The following SPIDR variants were observed in gnomAD, a reference collection of about 807,000 sequenced individuals.
SPIDR encodes scaffold protein involved in DNA repair, also known as DNA repair-scaffolding protein.
Under a neutral mutation model 104.6 loss-of-function variants are expected in SPIDR, and 93 were observed. The ratio of observed to expected loss-of-function variants is 0.89; its 90% CI spans 0.75 to 1.06. SPIDR has a LOEUF of 1.06. Among genes scored for constraint, SPIDR ranks in the 50% least tolerant of loss-of-function variants. The probability of loss-of-function intolerance (pLI) is 0.00; values close to 1 mark genes in which losing one functional copy is unlikely to be tolerated. For missense variants in SPIDR, 1,154 were observed against 1,111.2 expected (o/e 1.04, Z -0.55); for synonymous variants, 431 against 416.9 (o/e 1.03, Z -0.41).
chr8:47,701,674 GT>G, intron 12 of SPIDR, 46 bp from the exon 13 acceptor site: 1 of 1,574,142 alleles, frequency 6.4e-7, no homozygotes, highest in Middle Eastern at 1.7e-4. Context: ...CTCTTTTTGA[GT>G]CTTTTAACAA....
intron 8 of SPIDR, among the ~76,000 whole-genome samples, chr8:47,443,634 G>A (rs1184947035): frequency 2.1e-5 from 3 of 145,874 alleles, no homozygotes; most frequent in Non-Finnish European, 3.0e-5. Flanking sequence ...ATTTTTTAAA[G>A]GACTAGTCTT....
intron 10 of SPIDR, among the ~76,000 whole-genome samples, chr8:47,612,174 C>T (rs2063692652): frequency 1.3e-5 from 2 of 152,154 alleles, no homozygotes; most frequent in African/African-American, 4.8e-5. Context: ...TTCTTGATGC[C>T]TCCCAATGAA....
chr8:47,487,104 C>G (rs996352550), intron 8 of SPIDR, among the ~76,000 whole-genome samples: 1 of 152,022 alleles, frequency 6.6e-6, no homozygotes, highest in East Asian at 1.9e-4. Context: ...TTCAGGAGAC[C>G]CATCTGATGT....
intron 8 of SPIDR, among the ~76,000 whole-genome samples, chr8:47,506,781 C>A (rs1448657268): frequency 6.6e-6 from 1 of 152,142 alleles, no homozygotes; most frequent in African/African-American, 2.4e-5. Flanking sequence ...GGCATATCTT[C>A]TAGTGAGGAT....
intron 8 of SPIDR, among the ~76,000 whole-genome samples, chr8:47,476,483 G>C (rs1177169634): frequency 6.6e-6 from 1 of 152,166 alleles, no homozygotes; most frequent in South Asian, 2.1e-4. Flanking sequence ...TTTGATTGCA[G>C]TTAAGTTGCA....
chr8:47,476,508 C>G (rs1458693658), intron 8 of SPIDR, among the ~76,000 whole-genome samples: 1 of 152,036 alleles, frequency 6.6e-6, no homozygotes, highest in Non-Finnish European at 1.5e-5. Context: ...ACAGTCGTGC[C>G]ATTGTGAGTC....
In SPIDR at chr8:47,706,750, T is replaced by TAAAGTTCCAA. The variant is rs2081150118; in HGVS notation, c.1977+4739_1977+4748dup. Among the ~76,000 whole-genome samples, 4 of 152,310 alleles carry TAAAGTTCCAA rather than the reference T, an allele frequency of 2.6e-5. No individual in the cohort carries two copies. In the South Asian group the frequency reaches 8.3e-4, roughly 32 times the overall value. On this transcript the variant is annotated intron_variant, in intron 14 of 19. Coordinates refer to ENST00000297423, the MANE Select transcript of SPIDR (RefSeq NM_001080394.4). Reference sequence around the variant, plus strand: ...TTAGTTTCCTACTAGGATTACCATATAAAGTTCCAAAAACTAGATAGCTTA... The same window carrying TAAAGTTCCAA: ...TTAGTTTCCTACTAGGATTACCATATAAAGTTCCAAAAAGTTCCAAAAACTAGATAGCTTA...
intron 10 of SPIDR, among the ~76,000 whole-genome samples, chr8:47,638,233 G>C (rs1384691242): frequency 6.6e-6 from 1 of 152,022 alleles, no homozygotes; most frequent in African/African-American, 2.4e-5. Flanking sequence ...TTTTTCCAAG[G>C]AGACCTGGCT....
intron 5 of SPIDR, among the ~76,000 whole-genome samples, chr8:47,334,859 A>G (rs762161625): frequency 4.6e-5 from 7 of 152,028 alleles, no homozygotes; most frequent in Non-Finnish European, 1.0e-4. Flanking sequence ...AGCATTTTAT[A>G]TGATTCTATT....
intron 2 of SPIDR, among the ~76,000 whole-genome samples, chr8:47,282,099 C>G (rs1191633031): frequency 6.6e-6 from 1 of 152,218 alleles, no homozygotes; most frequent in African/African-American, 2.4e-5. Flanking sequence ...CAGATCTCAA[C>G]AGTGGGCTTA....
chr8:47,432,330 C>T (rs1190614264), intron 7 of SPIDR, among the ~76,000 whole-genome samples: 1 of 152,116 alleles, frequency 6.6e-6, no homozygotes, highest in Non-Finnish European at 1.5e-5. Flanking sequence ...CTCTTTGGAG[C>T]ATCATTTGAG....
intron 5 of SPIDR, among the ~76,000 whole-genome samples, chr8:47,352,000 T>A (rs925386825): frequency 6.6e-6 from 1 of 152,040 alleles, no homozygotes. Flanking sequence ...TAATTTGGGC[T>A]GGGCGCAGTG....
chr8:47,451,089 A>T (rs536130062), intron 8 of SPIDR, among the ~76,000 whole-genome samples: 2 of 152,246 alleles, frequency 1.3e-5, no homozygotes, highest in African/African-American at 4.8e-5. Context: ...AAATTGAGAT[A>T]TTGGAATTAT....
intron 11 of SPIDR, among the ~76,000 whole-genome samples, chr8:47,684,581 TCA>T (rs1392486019): frequency 6.6e-6 from 1 of 152,246 alleles, no homozygotes; most frequent in Admixed American, 6.5e-5. Flanking sequence ...TTTAATGAGA[TCA>T]CATTCATAGA....
At chr8:47,382,457 G>A (rs1414034517) in intron 5 of SPIDR, among the ~76,000 whole-genome samples, 7 of 152,180 alleles carry the variant, frequency 4.6e-5, no homozygotes, top group Admixed American at 3.9e-4. Context: ...TCTGTTGCCA[G>A]GCTGGAGTAC....
At chr8:47,728,744 A>C in intron 17 of SPIDR, 189 bp from the exon 18 acceptor site, 1 of 577,712 alleles carries the variant, frequency 1.7e-6, no homozygotes, top group East Asian at 3.2e-5. Flanking sequence ...TGCTACTCGA[A>C]GCTAATGTTC....
At chr8:47,485,310 G>C (rs1217371613) in intron 8 of SPIDR, among the ~76,000 whole-genome samples, 1 of 152,236 alleles carries the variant, frequency 6.6e-6, no homozygotes, top group Non-Finnish European at 1.5e-5. Flanking sequence ...TGGGGGAGGG[G>C]CGCCTGCCAT....
chr8:47,627,194 T>C (rs1200187823), intron 10 of SPIDR, among the ~76,000 whole-genome samples: 2 of 151,876 alleles, frequency 1.3e-5, no homozygotes, highest in African/African-American at 2.4e-5. Flanking sequence ...ACAATGAGAA[T>C]ACATGGACAC....
At chr8:47,698,700 G>A (rs529739913) in intron 11 of SPIDR, among the ~76,000 whole-genome samples, 68 of 152,272 alleles carry the variant, frequency 4.5e-4, no homozygotes, top group Admixed American at 1.4e-3. Flanking sequence ...CCAAGGGAAC[G>A]CTAGTTTCTC....
Sources: gnomAD v4.1 joint callset for allele counts (sites outside exome capture counted in the v4.1 genomes callset) on GRCh38, gnomAD v4.1.1 for gene constraint, MANE v1.5 for transcripts, NCBI Gene and HGNC (gene_info 2026-07-23, HGNC 2026-07-21) for gene names.